The following ESCO2 variants were observed in gnomAD, a reference collection of about 807,000 sequenced individuals.
ESCO2 encodes N-acetyltransferase ESCO2.
Under a neutral mutation model 61.7 loss-of-function variants are expected in ESCO2, and 51 were observed. The ratio of observed to expected loss-of-function variants is 0.83; its 90% CI spans 0.66 to 1.04. The LOEUF (loss-of-function observed/expected upper bound fraction) is 1.04. ESCO2 is among the 50% of genes least tolerant of loss of function. ESCO2 has a pLI of 0.00. For synonymous variants in ESCO2, 230 were observed against 238.2 expected (o/e 0.97, Z 0.32); for missense variants, 692 against 686.2 (o/e 1.01, Z -0.09).
At chr8:27,807,804 T>C (rs1431670097), downstream of ESCO2, among the ~76,000 whole-genome samples, 1 of 152,206 alleles carries the variant, frequency 6.6e-6, no homozygotes, top group Non-Finnish European at 1.5e-5. Flanking sequence ...GATGATGTAA[T>C]ACCATCGTAA....
At chr8:27,774,116 A>C (rs1467868205), upstream of ESCO2, among the ~76,000 whole-genome samples, 1 of 152,226 alleles carries the variant, frequency 6.6e-6, no homozygotes, top group African/African-American at 2.4e-5. Context: ...TGAAACTGAC[A>C]ATGAAGCTTC....
intron 1 of ESCO2, among the ~76,000 whole-genome samples, chr8:27,775,183 G>A (rs1442778495): frequency 6.6e-6 from 1 of 152,220 alleles, no homozygotes; most frequent in Admixed American, 6.5e-5. Context: ...TAGGAAAATG[G>A]CAGAGGACTG....
At chr8:27,774,791 C>T (rs1001006475) in intron 1 of ESCO2, 184 bp downstream of exon 1, 3 of 152,340 alleles carry the variant, frequency 2.0e-5, no homozygotes, top group Non-Finnish European at 4.4e-5. Flanking sequence ...GGGTTTCCCT[C>T]TTCCCGACGC....
chr8:27,786,010 G>A (rs28754813), intron 5 of ESCO2, among the ~76,000 whole-genome samples: 21,265 of 152,192 alleles, frequency 0.14, 1,792 homozygotes, highest in East Asian at 0.34. Flanking sequence ...TGTTAGAGTT[G>A]CTAAAATGGA....
chr8:27,779,983 T>C, intron 3 of ESCO2, 191 bp from the exon 4 acceptor site: 1 of 536,322 alleles, frequency 1.9e-6, no homozygotes, highest in South Asian at 2.1e-5. Context: ...GCTTTAAAGG[T>C]AATGTACGCT....
downstream of ESCO2, chr8:27,808,311 G>C (rs1805604066): frequency 1.3e-6 from 1 of 749,428 alleles, no homozygotes; most frequent in Admixed American, 4.3e-5. Flanking sequence ...GGCTTCTACA[G>C]ATTCTAAAGG....
At chr8:27,785,958 G>T (rs535573438) in intron 5 of ESCO2, among the ~76,000 whole-genome samples, 1 of 152,276 alleles carries the variant, frequency 6.6e-6, no homozygotes, top group African/African-American at 2.4e-5. Flanking sequence ...TGCTATCAAG[G>T]AGGTTATGGT....
chr8:27,780,711 T>C (rs1419482872), intron 4 of ESCO2, among the ~76,000 whole-genome samples: 1 of 152,226 alleles, frequency 6.6e-6, no homozygotes, highest in Non-Finnish European at 1.5e-5. Flanking sequence ...TTTGTCTAGG[T>C]TTACTAATAA....
intron 9 of ESCO2, among the ~76,000 whole-genome samples, 185 bp downstream of exon 9, chr8:27,792,996 A>C (rs1468672958): frequency 6.6e-6 from 1 of 152,216 alleles, no homozygotes; most frequent in African/African-American, 2.4e-5. Context: ...TTGTATAAAC[A>C]GGATAGGTAA....
upstream of ESCO2, chr8:27,773,610 G>A (rs1432813928): frequency 6.6e-6 from 1 of 151,564 alleles, no homozygotes; most frequent in African/African-American, 2.4e-5. Context: ...TTCATTCTAT[G>A]AAATTGAGGG....
chr8:27,775,541 G>C lies in ESCO2; in HGVS notation c.27G>C (p.Arg9Ser). 6.2e-7 allele frequency: 1 copy of C among 1,614,132 alleles called. No homozygotes were observed. Among genetic ancestry groups the C allele is most frequent in the Non-Finnish European group, 8.5e-7 (1 of 1,179,996 alleles). Residue 9 changes from arginine to serine, a missense_variant, in exon 2 of 11, where the codon AGG (arginine) becomes AGC (serine). By Grantham distance (110) the Arg-to-Ser change is moderately radical. Coordinates refer to ENST00000305188, the MANE Select transcript of ESCO2 (RefSeq NM_001017420.3). Reference sequence around the variant, plus strand: ...TGGCAGCTCTTACTCCAAGGAAGAGGAAGCAGGATTCTTTGAAGTGTGACA... The same window carrying C: ...TGGCAGCTCTTACTCCAAGGAAGAGCAAGCAGGATTCTTTGAAGTGTGACA... MAALTPRK[R>S]KQDSLKCDSL...
At position 27,775,507 on chromosome 8, in the gene ESCO2, TAAAGA is replaced by T; in HGVS notation, c.-4_1del. 1.2e-6 allele frequency: 2 copies of T among 1,613,582 alleles called. No homozygotes were observed. The highest frequency in any genetic ancestry group is 1.7e-6 in the Non-Finnish European group (2 of 1,179,482). On this transcript the variant is annotated 5_prime_UTR_variant, in exon 2 of 11. Coordinates refer to ENST00000305188, the MANE Select transcript of ESCO2 (RefSeq NM_001017420.3). ...ATTGTCATTTCTTTTAGGAATTCAA[TAAAGA>T]AAATGGCAGCTCTTACTCCAAGGAA...
rs1381529705 is a variant in ESCO2, at chr8:27,803,756, C to T, written c.*318C>T. ...TGACTCTTTGTAAGAGTATTAAATA[C>T]AAAGTGATTTTTCTCTAGAAATGTG... On this transcript the variant is annotated 3_prime_UTR_variant, in exon 11 of 11. Coordinates refer to ENST00000305188, the MANE Select transcript of ESCO2 (RefSeq NM_001017420.3). 2.8e-6 allele frequency: 3 copies of T among 1,073,446 alleles called. No homozygotes were observed. Among genetic ancestry groups the T allele is most frequent in the African/African-American group, 3.4e-5 (2 of 59,222 alleles). The allele number at this position is 1,073,446 out of a possible 1,614,324, so 66.5% of individuals were successfully genotyped here. A position where few individuals can be genotyped will look rare whatever the true frequency, so the allele number is the denominator to read the frequency against.
intron 10 of ESCO2, among the ~76,000 whole-genome samples, chr8:27,802,630 AAT>A (rs1222665973): frequency 0.039 from 1,784 of 45,586 alleles, 125 homozygotes; most frequent in African/African-American, 0.053. Flanking sequence ...AAAAAAAAAA[AAT>A]ATATATATAT....
At chr8:27,788,753 T>A (rs1353161324) in intron 6 of ESCO2, 94 bp from the exon 7 acceptor site, 5 of 1,483,558 alleles carry the variant, frequency 3.4e-6, no homozygotes, top group Non-Finnish European at 3.7e-6. Flanking sequence ...AAAAAAAAAA[T>A]TAGGTGAAAT....
chr8:27,797,111 TAAG>T (rs892251755), intron 9 of ESCO2, among the ~76,000 whole-genome samples: 2 of 149,300 alleles, frequency 1.3e-5, no homozygotes, highest in Middle Eastern at 3.4e-3. Context: ...CCCTATCTCT[TAAG>T]AAAGAAAAAA....
At chr8:27,805,536 A>G (rs1326181783), downstream of ESCO2, among the ~76,000 whole-genome samples, 4 of 152,062 alleles carry the variant, frequency 2.6e-5, no homozygotes, top group Non-Finnish European at 4.4e-5. Context: ...GTTTTTAAGT[A>G]TAACACATAC....
At chr8:27,772,455 G>T, upstream of ESCO2, 4 of 1,525,524 alleles carry the variant, frequency 2.6e-6, no homozygotes, top group East Asian at 9.8e-5. Flanking sequence ...CGGACTGCGG[G>T]TCCCGGCTTC....
At chr8:27,810,878 A>ATATC, downstream of ESCO2, 1 of 928,234 alleles carries the variant, frequency 1.1e-6, no homozygotes, top group Non-Finnish European at 1.7e-6. Context: ...GTACTAATAC[A>ATATC]TATCTTAGAA....
Sources: gnomAD v4.1 joint callset for allele counts (sites outside exome capture counted in the v4.1 genomes callset) on GRCh38, gnomAD v4.1.1 for gene constraint, MANE v1.5 for transcripts, NCBI Gene and HGNC (gene_info 2026-07-23, HGNC 2026-07-21) for gene names.